Variants in FAXC observed in about 807,000 individuals in gnomAD.
The protein encoded by FAXC is failed axon connections homolog.
Under a neutral mutation model 41.9 loss-of-function variants are expected in FAXC, and 10 were observed. That is an observed-to-expected ratio of 0.24 (90% CI 0.15 to 0.41). FAXC has a LOEUF of 0.41. Among genes scored for constraint, FAXC ranks in the 10% least tolerant of loss-of-function variants. The pLI, the probability that FAXC is intolerant of heterozygous loss-of-function variation, is 1.00. For missense variants in FAXC, 399 were observed against 510.9 expected (o/e 0.78, Z 2.11); for synonymous variants, 183 against 183.8 (o/e 1.00, Z 0.03).
chr6:99,296,703 T>C (rs753440313), intron 4 of FAXC, among the ~76,000 whole-genome samples: 19 of 152,104 alleles, frequency 1.2e-4, no homozygotes, highest in Non-Finnish European at 2.4e-4. Context: ...ACAGACCTCA[T>C]GGCTTGGTCT....
At chr6:99,339,959 A>G (rs931655537) in intron 2 of FAXC, among the ~76,000 whole-genome samples, 2 of 152,212 alleles carry the variant, frequency 1.3e-5, no homozygotes, top group Non-Finnish European at 2.9e-5. Context: ...AAGACCTCAG[A>G]TAATAAGAGT....
intron 5 of FAXC, among the ~76,000 whole-genome samples, chr6:99,282,518 T>C (rs1770878137): frequency 6.6e-6 from 1 of 152,230 alleles, no homozygotes; most frequent in African/African-American, 2.4e-5. Flanking sequence ...AGATTACTTC[T>C]TTTTTATGTG....
At chr6:99,289,902 GGGAACTAT>G (rs1771168139) in intron 5 of FAXC, among the ~76,000 whole-genome samples, 1 of 152,022 alleles carries the variant, frequency 6.6e-6, no homozygotes, top group Non-Finnish European at 1.5e-5. Flanking sequence ...ATGGCTGATT[GGGAACTAT>G]GGCTCAGTGC....
chr6:99,310,488 C>T (rs1030262123), intron 4 of FAXC, among the ~76,000 whole-genome samples: 3 of 152,212 alleles, frequency 2.0e-5, no homozygotes, highest in African/African-American at 4.8e-5. Flanking sequence ...ACCACCCTCC[C>T]GCTCCCCACC....
At chr6:99,349,934 G>T (rs1355118633), upstream of FAXC, 2 of 152,080 alleles carry the variant, frequency 1.3e-5, no homozygotes, top group Non-Finnish European at 2.9e-5. Context: ...CCGGATCCCG[G>T]TCCTCCCCTA....
chr6:99,344,707 A>C (rs1387149811), intron 1 of FAXC, among the ~76,000 whole-genome samples: 1 of 152,236 alleles, frequency 6.6e-6, no homozygotes, highest in Non-Finnish European at 1.5e-5. Flanking sequence ...ACAATGTTCC[A>C]AGACAGCACA....
intron 1 of FAXC, among the ~76,000 whole-genome samples, chr6:99,346,632 C>A (rs1332210025): frequency 1.3e-5 from 2 of 151,646 alleles, no homozygotes; most frequent in African/African-American, 4.9e-5. Flanking sequence ...GATCTCTTGA[C>A]CTCGTGATCC....
intron 4 of FAXC, among the ~76,000 whole-genome samples, chr6:99,303,513 G>C (rs1225896115): frequency 6.6e-6 from 1 of 152,190 alleles, no homozygotes; most frequent in Non-Finnish European, 1.5e-5. Context: ...GAAGTATTCT[G>C]GCCTGTCCCA....
chr6:99,333,295 G>A (rs1298151789), intron 3 of FAXC, 56 bp downstream of exon 3: 1 of 1,436,064 alleles, frequency 7.0e-7, no homozygotes, highest in Non-Finnish European at 9.4e-7. Flanking sequence ...TCTGAAAAGT[G>A]AAACAGAACC....
rs1772994091 is a variant in FAXC at position 99,330,555 on chromosome 6, G to GT, written c.599+2795dup. ...TAAAACAGTTTCAGAATTATGTGAT[G>GT]TAATATAACAATGCTAGCTTTCCAT... On this transcript the variant is annotated intron_variant, in intron 3 of 5. Coordinates refer to ENST00000389677, the MANE Select transcript of FAXC (RefSeq NM_032511.4). Among the ~76,000 whole-genome samples the GT allele has an allele frequency of 5.3e-5, 8 of 152,344 alleles. No individual in the cohort carries two copies. The South Asian group carries it at 1.7e-3, about 32-fold the overall frequency.
At chr6:99,334,133 C>T (rs1773130540) in intron 2 of FAXC, among the ~76,000 whole-genome samples, 1 of 152,176 alleles carries the variant, frequency 6.6e-6, no homozygotes, top group African/African-American at 2.4e-5. Flanking sequence ...GCCTGGACTA[C>T]TGGATCAGAA....
chr6:99,308,554 A>G (rs1191726455), intron 4 of FAXC, among the ~76,000 whole-genome samples: 1 of 151,684 alleles, frequency 6.6e-6, no homozygotes, highest in Non-Finnish European at 1.5e-5. Context: ...AACTTATCTC[A>G]GGGAAATTAT....
intron 5 of FAXC, among the ~76,000 whole-genome samples, chr6:99,283,004 ACT>A (rs1275357400): frequency 1.3e-5 from 2 of 152,206 alleles, no homozygotes; most frequent in East Asian, 1.9e-4. Flanking sequence ...TGAATGTCAC[ACT>A]CTGATCACAG....
intron 4 of FAXC, among the ~76,000 whole-genome samples, chr6:99,313,067 C>T (rs1194463566): frequency 3.3e-5 from 5 of 152,148 alleles, no homozygotes; most frequent in Admixed American, 6.6e-5. Context: ...CCAAGGCAGG[C>T]GGACCACTTG....
At chr6:99,315,649 G>C (rs193236555) in intron 4 of FAXC, among the ~76,000 whole-genome samples, 9 of 152,250 alleles carry the variant, frequency 5.9e-5, no homozygotes, top group African/African-American at 2.2e-4. Context: ...TAACATCGCA[G>C]TTTCCACTTG....
Position 99,277,818 on chromosome 6 carries a change from C to T in FAXC, c.*3346G>A, listed in dbSNP as rs1415307048. 2 of 152,124 alleles carry T rather than the reference C, an allele frequency of 1.3e-5. No homozygotes were observed. The highest frequency in any genetic ancestry group is 4.8e-5 in the African/African-American group (2 of 41,420). The allele number at this position is 152,124 out of a possible 1,614,324, so 9.4% of individuals were successfully genotyped here. ...GGGCAACGTGGTGTAATGGAAAGAACCATATTGACCTCAGTTTTTGGTCCT... is the reference window on the plus strand; with the variant it reads ...GGGCAACGTGGTGTAATGGAAAGAATCATATTGACCTCAGTTTTTGGTCCT... On this transcript the variant is annotated 3_prime_UTR_variant, in exon 6 of 6. Transcript: ENST00000389677.
intron 4 of FAXC, among the ~76,000 whole-genome samples, chr6:99,300,791 G>T (rs1771674790): frequency 6.6e-6 from 1 of 152,142 alleles, no homozygotes; most frequent in Non-Finnish European, 1.5e-5. Flanking sequence ...AAGACTATCT[G>T]GTAGCCACCA....
chr6:99,294,998 A>C (rs1055270113), intron 4 of FAXC, among the ~76,000 whole-genome samples: 1 of 152,200 alleles, frequency 6.6e-6, no homozygotes, highest in Admixed American at 6.5e-5. Flanking sequence ...CGGTCTCCAC[A>C]ATGTGCCACA....
At chr6:99,342,073 A>C (rs1562187481) in intron 2 of FAXC, among the ~76,000 whole-genome samples, 1 of 152,222 alleles carries the variant, frequency 6.6e-6, no homozygotes, top group African/African-American at 2.4e-5. Flanking sequence ...ATATACCTTT[A>C]AGTACACTCC....
Sources: gnomAD v4.1 joint callset for allele counts (sites outside exome capture counted in the v4.1 genomes callset) on GRCh38, gnomAD v4.1.1 for gene constraint, MANE v1.5 for transcripts, NCBI Gene and HGNC (gene_info 2026-07-23, HGNC 2026-07-21) for gene names.